PLCB1: variants seen among roughly 807,000 people sequenced by gnomAD.
The protein encoded by PLCB1 is 1-phosphatidylinositol 4,5-bisphosphate phosphodiesterase beta-1.
A neutral mutation model predicts 161.8 loss-of-function variants in PLCB1; 46 were observed. The ratio of observed to expected loss-of-function variants is 0.28; its 90% CI spans 0.22 to 0.36. The LOEUF is 0.36. Ranked by LOEUF, PLCB1 falls within the 10% of genes least tolerant of loss-of-function variation. PLCB1 has a pLI of 1.00. For missense variants in PLCB1, 1,016 were observed against 1,472.5 expected (o/e 0.69, Z 5.07); for synonymous variants, 517 against 503.7 (o/e 1.03, Z -0.35).
chr20:8,689,642 TAC>T (rs1183964545), intron 10 of PLCB1, among the ~76,000 whole-genome samples: 1 of 152,160 alleles, frequency 6.6e-6, no homozygotes, highest in Non-Finnish European at 1.5e-5. Flanking sequence ...TCAATATTAA[TAC>T]AAATAATAAA....
chr20:8,799,981 T>C (rs536860698), intron 31 of PLCB1, among the ~76,000 whole-genome samples: 1 of 152,304 alleles, frequency 6.6e-6, no homozygotes, highest in South Asian at 2.1e-4. Context: ...TTCTTCTGAA[T>C]AGTTTTGATC....
chr20:8,268,187 A>G (rs1271271582), intron 2 of PLCB1, among the ~76,000 whole-genome samples: 1 of 151,820 alleles, frequency 6.6e-6, no homozygotes, highest in African/African-American at 2.4e-5. Flanking sequence ...TCATTGTTCA[A>G]TTCCCACCTA....
intron 2 of PLCB1, among the ~76,000 whole-genome samples, chr20:8,334,219 A>G (rs1017445503): frequency 1.3e-5 from 2 of 152,064 alleles, no homozygotes; most frequent in Admixed American, 1.3e-4. Flanking sequence ...CAAAAAAAAA[A>G]AGAAAGAAAA....
chr20:8,468,980 A>G (rs1413549705), intron 3 of PLCB1, among the ~76,000 whole-genome samples: 1 of 152,094 alleles, frequency 6.6e-6, no homozygotes, highest in Non-Finnish European at 1.5e-5. Flanking sequence ...AGAGCTAGTT[A>G]CAAGTTCCAC....
chr20:8,523,879 A>G (rs1984478979), intron 3 of PLCB1, among the ~76,000 whole-genome samples: 1 of 151,988 alleles, frequency 6.6e-6, no homozygotes. Flanking sequence ...GGATGCAGAA[A>G]CCATGCCACC....
chr20:8,407,468 A>G (rs1223326785), intron 3 of PLCB1, among the ~76,000 whole-genome samples: 2 of 152,198 alleles, frequency 1.3e-5, no homozygotes, highest in Admixed American at 1.3e-4. Context: ...GAGGCCTCAG[A>G]ATTATGCAGG....
chr20:8,676,513 C>G (rs1990080598), intron 9 of PLCB1, among the ~76,000 whole-genome samples: 2 of 152,216 alleles, frequency 1.3e-5, no homozygotes, highest in African/African-American at 2.4e-5. Flanking sequence ...CTCCTGCATT[C>G]TTCTCCAATC....
chr20:8,566,122 T>G (rs971428385), intron 3 of PLCB1, among the ~76,000 whole-genome samples: 9 of 152,138 alleles, frequency 5.9e-5, no homozygotes, highest in African/African-American at 1.9e-4. Context: ...ATTTTAAAAA[T>G]TAGTTCTAAG....
chr20:8,277,888 C>A (rs966055007), intron 2 of PLCB1, among the ~76,000 whole-genome samples: 1 of 152,072 alleles, frequency 6.6e-6, no homozygotes, highest in African/African-American at 2.4e-5. Context: ...AGAGCACTAG[C>A]ATTGCTGGAA....
intron 2 of PLCB1, among the ~76,000 whole-genome samples, chr20:8,292,771 C>CT (rs1983443568): frequency 6.6e-6 from 1 of 152,186 alleles, no homozygotes; most frequent in Admixed American, 6.5e-5. Flanking sequence ...TACTCAACTC[C>CT]TATGGCTCAA....
At chr20:8,165,925 T>C (rs1600210883) in intron 2 of PLCB1, among the ~76,000 whole-genome samples, 2 of 152,278 alleles carry the variant, frequency 1.3e-5, no homozygotes, top group East Asian at 3.9e-4. Context: ...TGCTTTCCTC[T>C]GTCTCCCTCT....
intron 2 of PLCB1, among the ~76,000 whole-genome samples, chr20:8,330,093 G>T (rs1193357456): frequency 6.6e-6 from 1 of 152,026 alleles, no homozygotes; most frequent in African/African-American, 2.4e-5. Flanking sequence ...TGATTCTTCT[G>T]CAAAAAAATG....
chr20:8,394,830 C>A (rs1987716577), intron 3 of PLCB1, among the ~76,000 whole-genome samples: 1 of 152,094 alleles, frequency 6.6e-6, no homozygotes, highest in Non-Finnish European at 1.5e-5. Context: ...ATATAGGCTT[C>A]TATCTGGCAA....
chr20:8,659,869 G>A (rs1711748891), intron 9 of PLCB1, among the ~76,000 whole-genome samples: 1 of 151,872 alleles, frequency 6.6e-6, no homozygotes, highest in Non-Finnish European at 1.5e-5. Context: ...GCGCATGCCT[G>A]TAGTCCCGGC....
At chr20:8,436,022 C>A (rs1039583076) in intron 3 of PLCB1, among the ~76,000 whole-genome samples, 2 of 152,144 alleles carry the variant, frequency 1.3e-5, no homozygotes, top group African/African-American at 2.4e-5. Flanking sequence ...TTCTCTACTT[C>A]TCTTGGAAGT....
intron 31 of PLCB1, among the ~76,000 whole-genome samples, chr20:8,794,796 A>T (rs890950777): frequency 1.6e-5 from 2 of 128,926 alleles, no homozygotes; most frequent in Non-Finnish European, 3.4e-5. Flanking sequence ...GTAAATAAAC[A>T]ACTCCTTTGA....
intron 3 of PLCB1, among the ~76,000 whole-genome samples, chr20:8,618,086 C>A (rs902869396): frequency 6.6e-6 from 1 of 152,040 alleles, no homozygotes; most frequent in Non-Finnish European, 1.5e-5. Context: ...GATGCAAGAA[C>A]ACTTGACTTC....
chr20:8,177,166 G>A (rs2051792085), intron 2 of PLCB1, among the ~76,000 whole-genome samples: 1 of 152,088 alleles, frequency 6.6e-6, no homozygotes, highest in African/African-American at 2.4e-5. Context: ...AGTATTAAAA[G>A]GTGAGTCTTT....
At chr20:8,265,325 A>G (rs1268925885) in intron 2 of PLCB1, among the ~76,000 whole-genome samples, 2 of 152,172 alleles carry the variant, frequency 1.3e-5, no homozygotes, top group Admixed American at 6.5e-5. Flanking sequence ...GATAGTTGTT[A>G]CCATTTGAAT....
Sources: gnomAD v4.1 joint callset for allele counts (sites outside exome capture counted in the v4.1 genomes callset) on GRCh38, gnomAD v4.1.1 for gene constraint, MANE v1.5 for transcripts, NCBI Gene and HGNC (gene_info 2026-07-23, HGNC 2026-07-21) for gene names.